The following RAB3IL1 variants were observed in gnomAD, a reference collection of about 807,000 sequenced individuals.
RAB3IL1 encodes the protein guanine nucleotide exchange factor for Rab-3A.
Under a neutral mutation model 49.2 loss-of-function variants are expected in RAB3IL1, and 37 were observed. The ratio of observed to expected loss-of-function variants is 0.75; its 90% CI spans 0.58 to 0.99. The LOEUF (loss-of-function observed/expected upper bound fraction) is 0.99. RAB3IL1 is among the 50% of genes least tolerant of loss of function. The pLI is 0.00. For missense variants in RAB3IL1, 484 were observed against 513.0 expected, an observed-to-expected ratio of 0.94 and a Z score of 0.55; for synonymous variants, 193 against 213.9, an observed-to-expected ratio of 0.90 and a Z score of 0.85.
the RAB3IL1 span, among the ~76,000 whole-genome samples, chr11:61,938,817 T>C: frequency 3.9e-5 from 6 of 151,904 alleles, no homozygotes; most frequent in Non-Finnish European, 5.9e-5. Context: ...TCCCAGCTAT[T>C]TGGGAGGCTG....
In RAB3IL1 at chr11:61,906,362, A is replaced by G; in HGVS notation, c.657+104T>C. ...CCCAGAGAGGCGCAGGACAGGCTCC[A>G]GGTCACACAGCATGGGGCAGGCTGG... On this transcript the variant is annotated intron_variant, in intron 5 of 9. Coordinates refer to ENST00000394836, the MANE Select transcript of RAB3IL1 (RefSeq NM_013401.4). This position sits in a 1 kb window ranked among gnomAD's most constrained non-coding sequence, Gnocchi z 4.6. 2 of 1,055,040 alleles carry G rather than the reference A, an allele frequency of 1.9e-6. No homozygotes were observed. The highest frequency in any genetic ancestry group is 2.7e-5 in the South Asian group (2 of 72,756). 65.4% of individuals were successfully genotyped at this position (1,055,040 alleles called of 1,614,324 possible).
chr11:61,904,747 G>C lies in RAB3IL1; in HGVS notation c.786+7C>G. The C allele has an allele frequency of 1.3e-6, 2 of 1,598,974 alleles. No homozygotes were observed. The highest frequency in any genetic ancestry group is 8.5e-7 in the Non-Finnish European group (1 of 1,173,306). On this transcript the variant is annotated splice_region_variant and intron_variant, in intron 6 of 9. Transcript: ENST00000394836. The stretch of plus-strand genomic sequence containing the variant: ...CCCCAGCTGGCCCCGCCCCTGCCAT[G>C]CCTCACCTCCTGCATTGTGAAGTCC...
In RAB3IL1 at chr11:61,906,575, G is replaced by A. The variant is rs1565361480; in HGVS notation, c.548C>T (p.Ala183Val). The change falls in exon 5 of 10, where the codon GCC (alanine) becomes GTC (valine). Residue 183 changes from alanine to valine, a missense_variant. Transcript: ENST00000394836. This position sits in a 1 kb window ranked among gnomAD's most constrained non-coding sequence, Gnocchi z 4.6. ...LHPQLLSPTK[A>V]GPRKGHSRHK... is the part of the protein sequence containing the mutation. ...GCGAGAGTGGCCCTTTCGGGGCCCG[G>A]CCTTGGTGGGGCTCAGCAGCTGGGG... is the stretch of plus-strand genomic sequence containing the variant. 2 of 1,604,376 alleles carry A rather than the reference G, an allele frequency of 1.2e-6. No individual in the cohort carries two copies. Among genetic ancestry groups the A allele is most frequent in the Non-Finnish European group, 1.7e-6 (2 of 1,175,978 alleles).
At chr11:61,929,378 G>A in the RAB3IL1 span, among the ~76,000 whole-genome samples, 101 of 151,802 alleles carry the variant, frequency 6.7e-4, no homozygotes, top group Non-Finnish European at 1.3e-3. Flanking sequence ...GGTGGCATGC[G>A]CCTATTGTCC....
the RAB3IL1 span, among the ~76,000 whole-genome samples, chr11:61,930,641 G>A: frequency 1.3e-5 from 2 of 152,104 alleles, no homozygotes; most frequent in East Asian, 1.9e-4. Flanking sequence ...AGCCAGGCGT[G>A]GTGGTGCAGG....
At chr11:61,912,046 T>A (rs903960692) in intron 1 of RAB3IL1, among the ~76,000 whole-genome samples, 6 of 152,126 alleles carry the variant, frequency 3.9e-5, no homozygotes, top group Non-Finnish European at 7.4e-5. Flanking sequence ...GTGCCCAAGA[T>A]GACCCTGTCC....
At chr11:61,924,937 G>T (rs552217184), upstream of RAB3IL1, among the ~76,000 whole-genome samples, 1 of 152,308 alleles carries the variant, frequency 6.6e-6, no homozygotes, top group Admixed American at 6.5e-5. Context: ...AGAGAACAGA[G>T]AATCCATCAG....
At chr11:61,920,268 A>G (rs765801691), upstream of RAB3IL1, 1 of 1,234,378 alleles carries the variant, frequency 8.1e-7, no homozygotes, top group Non-Finnish European at 1.0e-6. Flanking sequence ...TCCCCCCACC[A>G]GGCTGAGCCT....
At position 61,904,817 on chromosome 11, in the gene RAB3IL1, G is replaced by A; in HGVS notation, c.723C>T (p.Cys241=). 6.2e-7 allele frequency: 1 copy of A among 1,611,496 alleles called. No homozygotes were observed. Among genetic ancestry groups the A allele is most frequent in the Non-Finnish European group, 8.5e-7 (1 of 1,178,870 alleles). ...CTCGGTACACCCTTTCCAGGAAGGG[G>A]CAGGTCTTGTCCAGGGTGGGGGATT... ...WRESPTLDKT[C]PFLERVYRED... is the part of the protein sequence containing the mutation. Residue 241 remains cysteine (C), a synonymous_variant, in exon 6 of 10, where the codon TGC becomes TGT. Coordinates refer to ENST00000394836, the MANE Select transcript of RAB3IL1 (RefSeq NM_013401.4).
rs757269531 is a variant in RAB3IL1 at position 61,907,544 on chromosome 11, TC to T, written c.360+20del. The stretch of plus-strand genomic sequence containing the variant: ...CCAGATGACCCATTCCCCAAGTTGT[TC>T]CCGCGCCCAGCCGGTGTACCTCAAA... On this transcript the variant is annotated intron_variant, in intron 3 of 9. Transcript: ENST00000394836. 5 of 1,613,950 alleles carry T rather than the reference TC, an allele frequency of 3.1e-6. No individual in the cohort carries two copies. The Admixed American group carries it at 6.7e-5, about 22-fold the overall frequency.
At chr11:61,925,871 G>T in the RAB3IL1 span, among the ~76,000 whole-genome samples, 1 of 152,138 alleles carries the variant, frequency 6.6e-6, no homozygotes, top group Admixed American at 6.6e-5. Context: ...TATTCTAAAG[G>T]CTCCAAGGAG....
the RAB3IL1 span, among the ~76,000 whole-genome samples, chr11:61,927,852 C>T: frequency 1.3e-5 from 2 of 152,134 alleles, no homozygotes; most frequent in African/African-American, 2.4e-5. Context: ...CCTGAGGCCT[C>T]CCCAGCCATG....
At chr11:61,941,899 G>A in the RAB3IL1 span, among the ~76,000 whole-genome samples, 6 of 152,258 alleles carry the variant, frequency 3.9e-5, no homozygotes. Flanking sequence ...ATGCAAGCAA[G>A]GTAGTTGAAC....
chr11:61,930,097 C>T, the RAB3IL1 span, among the ~76,000 whole-genome samples: 4 of 151,692 alleles, frequency 2.6e-5, no homozygotes, highest in Non-Finnish European at 2.9e-5. Flanking sequence ...GGTTTTGCCA[C>T]GTTGCCCAGG....
the RAB3IL1 span, among the ~76,000 whole-genome samples, chr11:61,945,403 C>T: frequency 9.2e-5 from 14 of 152,330 alleles, no homozygotes; most frequent in Admixed American, 3.9e-4. Context: ...CAGTGCTCGC[C>T]GTGGAAGCGA....
At chr11:61,933,331 G>A in the RAB3IL1 span, among the ~76,000 whole-genome samples, 9 of 152,142 alleles carry the variant, frequency 5.9e-5, no homozygotes, top group Admixed American at 1.3e-4. Context: ...ACAGACAAAA[G>A]AGGAAAAGGC....
chr11:61,927,220 G>GC, the RAB3IL1 span, among the ~76,000 whole-genome samples: 187 of 151,458 alleles, frequency 1.2e-3, 1 homozygote, highest in African/African-American at 3.6e-3. Flanking sequence ...TGACATGCAT[G>GC]CCCCCCCCTT....
In RAB3IL1 at chr11:61,904,535, C is replaced by T; in HGVS notation, c.899+11G>A. 6.3e-7 allele frequency: 1 copy of T among 1,596,180 alleles called. No homozygotes were observed. The highest frequency in any genetic ancestry group is 1.1e-5 in the South Asian group (1 of 88,570). ...CACATGGGCAGGAAGGAGCTAAGAC[C>T]CTCAGCTTACTTGGTGCTGCTACAG... On this transcript the variant is annotated intron_variant, in intron 7 of 9. Coordinates refer to ENST00000394836, the MANE Select transcript of RAB3IL1 (RefSeq NM_013401.4).
intron 7 of RAB3IL1, 113 bp from the exon 8 acceptor site, chr11:61,902,654 T>C: frequency 1.0e-6 from 1 of 954,964 alleles, no homozygotes; most frequent in Non-Finnish European, 1.6e-6. Flanking sequence ...GGGGCAGGCC[T>C]CCCTTCCCCC....
Sources: gnomAD v4.1 joint callset for allele counts (sites outside exome capture counted in the v4.1 genomes callset) on GRCh38, gnomAD v4.1.1 for gene constraint, Gnocchi (gnomAD v3.1) non-coding constraint, MANE v1.5 for transcripts, NCBI Gene and HGNC (gene_info 2026-07-23, HGNC 2026-07-21) for gene names.